TAFA1: variants seen among roughly 807,000 people sequenced by gnomAD.
TAFA1 encodes the protein chemokine-like protein TAFA-1.
A neutral mutation model predicts 18.5 loss-of-function variants in TAFA1; 4 were observed. The observed-to-expected ratio is 0.22, with a 90% CI of 0.11 to 0.49. TAFA1 has a LOEUF of 0.49. Among genes scored for constraint, TAFA1 ranks in the 20% least tolerant of loss-of-function variants. The pLI, the probability that TAFA1 is intolerant of heterozygous loss-of-function variation, is 0.98. For synonymous variants in TAFA1, 56 were observed against 55.2 expected (o/e 1.01, Z -0.06); for missense variants, 147 against 169.0 (o/e 0.87, Z 0.72).
At chr3:68,417,568 T>A (rs1317045331) in intron 3 of TAFA1, 148 bp downstream of exon 3, 8 of 724,236 alleles carry the variant, frequency 1.1e-5, no homozygotes, top group Non-Finnish European at 1.8e-5. Context: ...CTCAGCAGAG[T>A]TTGAATTCTT....
intron 2 of TAFA1, among the ~76,000 whole-genome samples, chr3:68,047,203 A>G (rs2064400381): frequency 6.6e-6 from 1 of 152,194 alleles, no homozygotes. Context: ...CTAGGATCTT[A>G]TGTGGCGACA....
At chr3:68,335,431 T>A (rs2106740148) in intron 2 of TAFA1, among the ~76,000 whole-genome samples, 1 of 151,664 alleles carries the variant, frequency 6.6e-6, no homozygotes, top group South Asian at 2.1e-4. Context: ...CATACAGAGA[T>A]CAACTTTTCC....
chr3:68,116,583 G>T (rs2065327496), intron 2 of TAFA1, among the ~76,000 whole-genome samples: 1 of 152,162 alleles, frequency 6.6e-6, no homozygotes, highest in South Asian at 2.1e-4. Context: ...CTCACCTGGA[G>T]AACTTTTTAA....
chr3:68,401,290 C>T (rs2070484291), intron 2 of TAFA1, among the ~76,000 whole-genome samples: 1 of 152,122 alleles, frequency 6.6e-6, no homozygotes, highest in African/African-American at 2.4e-5. Flanking sequence ...TTAGCATTTA[C>T]AGAGTTCTTC....
chr3:68,393,024 G>A (rs914699402), intron 2 of TAFA1, among the ~76,000 whole-genome samples: 4 of 152,034 alleles, frequency 2.6e-5, no homozygotes, highest in South Asian at 2.1e-4. Flanking sequence ...AACTGAAGGA[G>A]ATAGAGAGAT....
intron 2 of TAFA1, among the ~76,000 whole-genome samples, chr3:68,343,543 T>A (rs2069119042): frequency 6.6e-6 from 1 of 152,182 alleles, no homozygotes; most frequent in Non-Finnish European, 1.5e-5. Context: ...AATTCCATGC[T>A]GAGGTACCCA....
At chr3:68,344,378 T>C (rs1451833301) in intron 2 of TAFA1, among the ~76,000 whole-genome samples, 1 of 152,152 alleles carries the variant, frequency 6.6e-6, no homozygotes, top group Non-Finnish European at 1.5e-5. Context: ...AACCTCTAGT[T>C]TAAGTCATGA....
At chr3:68,372,631 A>G (rs151018955) in intron 2 of TAFA1, among the ~76,000 whole-genome samples, 1 of 152,338 alleles carries the variant, frequency 6.6e-6, no homozygotes, top group East Asian at 1.9e-4. Flanking sequence ...ATTCTAGAGC[A>G]TAATGCAGTA....
chr3:68,097,952 A>C (rs2065106169), intron 2 of TAFA1, among the ~76,000 whole-genome samples: 1 of 152,156 alleles, frequency 6.6e-6, no homozygotes, highest in South Asian at 2.1e-4. Context: ...CACATTTGCC[A>C]GGCCTGAAAG....
chr3:68,387,632 T>C (rs752408863), intron 2 of TAFA1, among the ~76,000 whole-genome samples: 17 of 152,152 alleles, frequency 1.1e-4, no homozygotes, highest in Non-Finnish European at 2.5e-4. Flanking sequence ...ATTGATTTAT[T>C]TTCCCAGATT....
intron 2 of TAFA1, among the ~76,000 whole-genome samples, chr3:68,012,914 G>C (rs1439854822): frequency 1.3e-5 from 2 of 152,120 alleles, no homozygotes; most frequent in Non-Finnish European, 2.9e-5. Context: ...AGTGTCCACT[G>C]TTTGTTATGT....
At chr3:68,401,162 T>C (rs1386468773) in intron 2 of TAFA1, among the ~76,000 whole-genome samples, 3 of 152,018 alleles carry the variant, frequency 2.0e-5, no homozygotes, top group Non-Finnish European at 4.4e-5. Context: ...TGTGCTGAAG[T>C]GGAGGAAGTC....
intron 2 of TAFA1, among the ~76,000 whole-genome samples, chr3:68,141,576 C>G (rs1230239716): frequency 6.6e-6 from 1 of 152,140 alleles, no homozygotes; most frequent in Non-Finnish European, 1.5e-5. Flanking sequence ...TGACCTAGGC[C>G]TGATCAAATC....
chr3:68,202,980 T>C (rs1453837656), intron 2 of TAFA1, among the ~76,000 whole-genome samples: 1 of 151,760 alleles, frequency 6.6e-6, no homozygotes, highest in Admixed American at 6.6e-5. Flanking sequence ...TTAACACTTC[T>C]TTAAGGCATG....
chr3:68,372,545 T>C (rs2069731803), intron 2 of TAFA1, among the ~76,000 whole-genome samples: 1 of 152,176 alleles, frequency 6.6e-6, no homozygotes, highest in African/African-American at 2.4e-5. Context: ...CAAAATGCCA[T>C]TTTTACTAAT....
chr3:68,461,101 G>C (rs1440415264), intron 3 of TAFA1, among the ~76,000 whole-genome samples: 2 of 151,856 alleles, frequency 1.3e-5, no homozygotes, highest in Non-Finnish European at 2.9e-5. Flanking sequence ...GACCAACATA[G>C]TTAAACCTCG....
chr3:68,401,378 C>T lies in TAFA1; in HGVS notation c.119-15902C>T, dbSNP rs973337031. Among the ~76,000 whole-genome samples the T allele has an allele frequency of 3.3e-5, 5 of 152,306 alleles. No homozygotes were observed. The South Asian group carries it at 1.0e-3, about 32-fold the overall frequency. On this transcript the variant is annotated intron_variant, in intron 2 of 4. Coordinates refer to ENST00000478136, the MANE Select transcript of TAFA1 (RefSeq NM_213609.4). ...TTGAATACACTTGTACCTCATGGCTCTTTGTATTGTGAATCGCAGAAAATC... is the reference window on the plus strand; with the variant it reads ...TTGAATACACTTGTACCTCATGGCTTTTTGTATTGTGAATCGCAGAAAATC...
intron 2 of TAFA1, among the ~76,000 whole-genome samples, chr3:68,080,574 G>C (rs1163603442): frequency 6.6e-6 from 1 of 152,026 alleles, no homozygotes; most frequent in Non-Finnish European, 1.5e-5. Flanking sequence ...TGCTTATGAA[G>C]CATAGTTTGG....
intron 2 of TAFA1, among the ~76,000 whole-genome samples, chr3:68,380,141 C>A (rs1575818613): frequency 6.6e-6 from 1 of 152,090 alleles, no homozygotes; most frequent in Non-Finnish European, 1.5e-5. Context: ...TGTATATGTG[C>A]CACATTTTCT....
Sources: allele counts gnomAD v4.1 joint callset (sites outside exome capture counted in the v4.1 genomes callset), GRCh38; gene constraint gnomAD v4.1.1; transcripts MANE v1.5; gene names NCBI Gene and HGNC (gene_info 2026-07-23, HGNC 2026-07-21).